Variants in GK5 observed in about 807,000 individuals in gnomAD.
The protein encoded by GK5 is ATP:glycerol 3-phosphotransferase 5.
In GK5, 39 loss-of-function variants were observed where a neutral mutation model predicts 77.3. That is an observed-to-expected ratio of 0.50 (90% CI 0.39 to 0.66). The LOEUF is 0.66. Among genes scored for constraint, GK5 ranks in the 30% least tolerant of loss-of-function variants. GK5 has a pLI of 0.00. For synonymous variants in GK5, 211 were observed against 208.0 expected (o/e 1.01, Z -0.13); for missense variants, 487 against 633.8 (o/e 0.77, Z 2.49).
chr3:142,224,682 G>T (rs2064402574), intron 1 of GK5, among the ~76,000 whole-genome samples: 1 of 152,092 alleles, frequency 6.6e-6, no homozygotes, highest in Non-Finnish European at 1.5e-5. Context: ...TTCAAAACTT[G>T]CCCAATACCT....
At chr3:142,206,916 G>A (rs1314342344) in intron 3 of GK5, among the ~76,000 whole-genome samples, 2 of 152,124 alleles carry the variant, frequency 1.3e-5, no homozygotes, top group East Asian at 3.9e-4. Context: ...GATTGCTACG[G>A]TTCATTTAAA....
chr3:142,172,123 A>G (rs11721121), intron 13 of GK5, among the ~76,000 whole-genome samples: 12,317 of 152,168 alleles, frequency 0.081, 641 homozygotes, highest in Middle Eastern at 0.13. Context: ...AAAATCCTTC[A>G]ATTTTCAGAT....
intron 3 of GK5, among the ~76,000 whole-genome samples, chr3:142,212,115 C>T (rs2064195490): frequency 1.3e-5 from 2 of 152,172 alleles, no homozygotes; most frequent in Non-Finnish European, 2.9e-5. Context: ...CATCTTTTCC[C>T]CCTCTGCTCA....
Position 142,180,372 on chromosome 3 carries a change from G to A in GK5, c.1048+1089C>T, listed in dbSNP as rs149338097. 6.5e-3 allele frequency among the ~76,000 whole-genome samples: 982 copies of A among 151,004 alleles called. 11 individuals are homozygous for A. Among genetic ancestry groups the A allele is most frequent in the African/African-American group, 0.023 (940 of 41,096 alleles). ...GGCTGGAGTGCAATGGCGTGATCTC[G>A]GCTCGCCACAACCTCCACCTCCTGG... is the stretch of plus-strand genomic sequence containing the variant. On this transcript the variant is annotated intron_variant, in intron 11 of 15. Transcript: ENST00000392993.
At chr3:142,216,099 T>C (rs1337827011) in intron 1 of GK5, among the ~76,000 whole-genome samples, 1 of 152,168 alleles carries the variant, frequency 6.6e-6, no homozygotes, top group African/African-American at 2.4e-5. Context: ...ACAGAATGCA[T>C]GGAGCAGCCA....
chr3:142,194,318 G>C (rs2063899923), intron 5 of GK5, among the ~76,000 whole-genome samples: 1 of 152,036 alleles, frequency 6.6e-6, no homozygotes, highest in South Asian at 2.1e-4. Flanking sequence ...TTAATGTCAG[G>C]AGTTCGAGAC....
chr3:142,193,431 A>C (rs1224677697), intron 5 of GK5, among the ~76,000 whole-genome samples: 1 of 151,790 alleles, frequency 6.6e-6, no homozygotes, highest in Non-Finnish European at 1.5e-5. Context: ...TTCTTTTGCT[A>C]ATCTGGGTTC....
chr3:142,206,047 T>C (rs937956065), intron 3 of GK5, among the ~76,000 whole-genome samples: 2 of 152,224 alleles, frequency 1.3e-5, no homozygotes, highest in African/African-American at 4.8e-5. Context: ...TAGTATAATA[T>C]AACTTAGCTT....
chr3:142,204,790 T>A lies in GK5; in HGVS notation c.318-2A>T. 1 of 1,504,406 alleles carries A rather than the reference T, an allele frequency of 6.6e-7. No homozygotes were observed. The highest frequency in any genetic ancestry group is 9.1e-7 in the Non-Finnish European group (1 of 1,094,280). 93.2% of individuals were successfully genotyped at this position (1,504,406 alleles called of 1,614,324 possible). On this transcript the variant is annotated splice_acceptor_variant, in intron 3 of 15. Transcript: ENST00000392993. LOFTEE classifies it high-confidence loss of function. ...TTGTGAAAATGATTTCCTGTTTTCC[T>A]AGAAAGAATAAAACAGTATTTTGAG...
At chr3:142,225,193 G>T in intron 1 of GK5, 116 bp downstream of exon 1, 2 of 1,155,140 alleles carry the variant, frequency 1.7e-6, no homozygotes, top group Non-Finnish European at 2.3e-6. Context: ...CGCGGGTGCT[G>T]CAGGTGGCCG....
chr3:142,206,383 T>C (rs1435448851), intron 3 of GK5, among the ~76,000 whole-genome samples: 1 of 152,228 alleles, frequency 6.6e-6, no homozygotes. Context: ...CTACCAGTAA[T>C]GTATGAGGGT....
rs1191663209 is a variant in GK5 at position 142,164,718 on chromosome 3, C to T, written c.*904G>A. Reference sequence around the variant, plus strand: ...TGGTCAATAAATTAGGGCACTTCTTCAAATTAAGCTCTGTCAATTAGGCAC... The same window carrying T: ...TGGTCAATAAATTAGGGCACTTCTTTAAATTAAGCTCTGTCAATTAGGCAC... On this transcript the variant is annotated 3_prime_UTR_variant, in exon 16 of 16. Coordinates refer to ENST00000392993, the MANE Select transcript of GK5 (RefSeq NM_001039547.3). 2.0e-5 allele frequency: 3 copies of T among 152,134 alleles called. No individual in the cohort carries two copies. The highest frequency in any genetic ancestry group is 4.4e-5 in the Non-Finnish European group (3 of 68,018). 9.4% of individuals were successfully genotyped at this position (152,134 alleles called of 1,614,324 possible).
intron 11 of GK5, among the ~76,000 whole-genome samples, chr3:142,180,294 CTCTT>C (rs932150817): frequency 3.3e-5 from 5 of 151,780 alleles, no homozygotes; most frequent in African/African-American, 7.3e-5. Context: ...TTTGCTTTCC[CTCTT>C]TCTTTTTTCT....
chr3:142,190,896 C>A (rs150871054), intron 5 of GK5, among the ~76,000 whole-genome samples: 2 of 152,038 alleles, frequency 1.3e-5, no homozygotes, highest in African/African-American at 4.8e-5. Flanking sequence ...TTGCAAAAGA[C>A]ATAACTGTAT....
At chr3:142,181,152 T>A (rs928763772) in intron 11 of GK5, among the ~76,000 whole-genome samples, 2 of 152,218 alleles carry the variant, frequency 1.3e-5, no homozygotes, top group Non-Finnish European at 2.9e-5. Flanking sequence ...GTTATTAATT[T>A]TTCTGACATA....
intron 5 of GK5, among the ~76,000 whole-genome samples, chr3:142,191,554 T>C (rs906310252): frequency 1.3e-5 from 2 of 151,610 alleles, no homozygotes; most frequent in Non-Finnish European, 2.9e-5. Flanking sequence ...GTGAAAAAAT[T>C]TGGCTGGGCG....
intron 3 of GK5, among the ~76,000 whole-genome samples, chr3:142,213,124 G>A (rs747880283): frequency 3.0e-4 from 45 of 152,022 alleles, no homozygotes; most frequent in Non-Finnish European, 5.4e-4. Context: ...GTGAGCCACC[G>A]CTCCTGGCCG....
At chr3:142,200,842 A>T (rs1332586437) in intron 4 of GK5, among the ~76,000 whole-genome samples, 1 of 152,222 alleles carries the variant, frequency 6.6e-6, no homozygotes, top group Non-Finnish European at 1.5e-5. Flanking sequence ...TAGGCCTTGT[A>T]AAAACAAATT....
chr3:142,205,860 T>C (rs2064098403), intron 3 of GK5, among the ~76,000 whole-genome samples: 1 of 152,204 alleles, frequency 6.6e-6, no homozygotes, highest in African/African-American at 2.4e-5. Flanking sequence ...TTTAAAACTC[T>C]CATCACCCCA....
Sources: gnomAD v4.1 joint callset for allele counts (sites outside exome capture counted in the v4.1 genomes callset) on GRCh38, gnomAD v4.1.1 for gene constraint, MANE v1.5 for transcripts, NCBI Gene and HGNC (gene_info 2026-07-23, HGNC 2026-07-21) for gene names.